The following MAP2K2 variants were observed in gnomAD, a reference collection of about 807,000 sequenced individuals.
MAP2K2 encodes dual specificity mitogen-activated protein kinase kinase 2.
A neutral mutation model predicts 43.7 loss-of-function variants in MAP2K2; 24 were observed. That is an observed-to-expected ratio of 0.55 (90% CI 0.40 to 0.77). MAP2K2 has a LOEUF of 0.77. Among genes scored for constraint, MAP2K2 ranks in the 30% least tolerant of loss-of-function variants. The pLI is 0.00. For synonymous variants in MAP2K2, 244 were observed against 239.7 expected, an observed-to-expected ratio of 1.02 and a Z score of -0.17; for missense variants, 470 against 566.8, an observed-to-expected ratio of 0.83 and a Z score of 1.73.
chr19:4,113,248 T>C (rs1360292784), intron 2 of MAP2K2, among the ~76,000 whole-genome samples: 1 of 152,162 alleles, frequency 6.6e-6, no homozygotes, highest in East Asian at 1.9e-4. Context: ...AGAGGCCTTC[T>C]GGAAGGCTGT....
chr19:4,099,975 C>T (rs1292405561), intron 6 of MAP2K2: 1 of 167,098 alleles, frequency 6.0e-6, no homozygotes, highest in East Asian at 1.2e-4. Flanking sequence ...GGCTGCCGGG[C>T]ACGGTGGCTC....
Position 4,110,513 on chromosome 19 carries a change from T to A in MAP2K2, c.446A>T (p.His149Leu), listed in dbSNP as rs781533418. 1 of 1,613,610 alleles carries A rather than the reference T, an allele frequency of 6.2e-7. No individual in the cohort carries two copies. The highest frequency in any genetic ancestry group is 8.5e-7 in the Non-Finnish European group (1 of 1,180,028). The change falls in exon 3 of 11, where the codon CAC becomes CTC. Residue 149 changes from histidine to leucine, a missense_variant. By Grantham distance (99) the His-to-Leu change is moderately conservative. Around this residue, in one of 3 missense-constraint regions of MAP2K2, gnomAD observed 200 missense variants for 297.9 expected, o/e 0.67. Coordinates refer to ENST00000262948, the MANE Select transcript of MAP2K2 (RefSeq NM_030662.4). ...CCCTGCCCCGGACGCACTCACCATGTGTTCCATGCAAATGCTGATCTCCCC... is the reference window on the plus strand; with the variant it reads ...CCCTGCCCCGGACGCACTCACCATGAGTTCCATGCAAATGCTGATCTCCCC... The part of the protein sequence containing the change: ...SDGEISICME[H>L]MDGGSLDQVL...
At chr19:4,113,705 AC>A in intron 2 of MAP2K2, among the ~76,000 whole-genome samples, 1 of 152,152 alleles carries the variant, frequency 6.6e-6, no homozygotes, top group East Asian at 1.9e-4. Flanking sequence ...TAAATGCCAG[AC>A]CTGGCTCGGA....
chr19:4,091,676 T>C (rs1012897542), intron 10 of MAP2K2, among the ~76,000 whole-genome samples: 4 of 151,494 alleles, frequency 2.6e-5, no homozygotes, highest in African/African-American at 9.7e-5. Flanking sequence ...TTTGAGACAG[T>C]CTTGCTCTGT....
chr19:4,122,427 A>G (rs1158043148), intron 1 of MAP2K2, among the ~76,000 whole-genome samples: 41 of 8,156 alleles, frequency 5.0e-3, no homozygotes, highest in South Asian at 0.049. Context: ...CCCCCATAGG[A>G]ACCCTCCCAC....
chr19:4,098,579 G>A (rs1157940558), intron 7 of MAP2K2, among the ~76,000 whole-genome samples: 5 of 152,176 alleles, frequency 3.3e-5, no homozygotes, highest in East Asian at 1.9e-4. Flanking sequence ...TCCCTCAGGC[G>A]GTGGAAGTGT....
In MAP2K2 at chr19:4,122,086, T is replaced by C. The variant is rs533870540; in HGVS notation, c.92+1698A>G. ...GGGACTCATTCCCCAAAAGGACCGC[T>C]CCCCGCCCCCCCAAGACCTCTCAGC... On this transcript the variant is annotated intron_variant, in intron 1 of 10. Coordinates refer to ENST00000262948, the MANE Select transcript of MAP2K2 (RefSeq NM_030662.4). 2.4e-3 allele frequency among the ~76,000 whole-genome samples: 266 copies of C among 111,724 alleles called. 2 individuals carry two copies. The highest frequency in any genetic ancestry group is 3.7e-3 in the Non-Finnish European group (199 of 54,218). The allele number at this position is 111,724 out of a possible 152,430, so 73.3% of individuals were successfully genotyped here. A position where few individuals can be genotyped will look rare whatever the true frequency, so the allele number is the denominator to read the frequency against.
chr19:4,100,872 C>G (rs2040996840), intron 6 of MAP2K2, 147 bp downstream of exon 6: 5 of 916,368 alleles, frequency 5.5e-6, no homozygotes, highest in Non-Finnish European at 8.3e-6. Flanking sequence ...GCGGGGAGAG[C>G]TGCGCAGGAG....
At position 4,107,807 on chromosome 19, in the gene MAP2K2, C is replaced by T. The variant is rs112481180; in HGVS notation, c.450+2702G>A. 3.5e-3 allele frequency among the ~76,000 whole-genome samples: 531 copies of T among 152,274 alleles called. 2 individuals are homozygous for T. The highest frequency in any genetic ancestry group is 0.012 in the African/African-American group (508 of 41,538). On this transcript the variant is annotated intron_variant, in intron 3 of 10. Coordinates refer to ENST00000262948, the MANE Select transcript of MAP2K2 (RefSeq NM_030662.4). ...AATACAGGGAAATGGCTGCAGCAGC[C>T]AGGACATGGATGCAACACCTGTGCG...
chr19:4,116,603 A>G (rs758567852), intron 2 of MAP2K2, among the ~76,000 whole-genome samples: 1 of 152,176 alleles, frequency 6.6e-6, no homozygotes, highest in Non-Finnish European at 1.5e-5. Flanking sequence ...GTCACTGTGC[A>G]AACACTGGAA....
chr19:4,095,324 G>A (rs986864561), intron 9 of MAP2K2, 64 bp downstream of exon 9: 56 of 1,475,630 alleles, frequency 3.8e-5, no homozygotes, highest in Non-Finnish European at 4.9e-5. Flanking sequence ...GCCCCACCCA[G>A]GACCCGGAAG....
chr19:4,099,072 C>T (rs2040961253), intron 7 of MAP2K2, 129 bp downstream of exon 7: 5 of 781,564 alleles, frequency 6.4e-6, no homozygotes, highest in Admixed American at 2.3e-5. Flanking sequence ...CTGCTGACCA[C>T]AGTCGGCACC....
intron 1 of MAP2K2, among the ~76,000 whole-genome samples, chr19:4,120,334 G>T (rs2041276685): frequency 6.6e-6 from 1 of 152,008 alleles, no homozygotes; most frequent in African/African-American, 2.4e-5. Context: ...TATTTTTTTT[G>T]AGACAGTCTT....
intron 3 of MAP2K2, among the ~76,000 whole-genome samples, chr19:4,106,758 A>G (rs1338169524): frequency 6.6e-6 from 1 of 152,218 alleles, no homozygotes; most frequent in Non-Finnish European, 1.5e-5. Flanking sequence ...ATAGTGTTGT[A>G]CTGTGGGGAT....
At position 4,115,139 on chromosome 19, in the gene MAP2K2, C is replaced by T. The variant is rs535759616; in HGVS notation, c.303+2280G>A. 6.6e-6 allele frequency among the ~76,000 whole-genome samples: 1 copy of T among 152,056 alleles called. No individual in the cohort carries two copies. The highest frequency in any genetic ancestry group is 2.4e-5 in the African/African-American group (1 of 41,388). On this transcript the variant is annotated intron_variant, in intron 2 of 10. Coordinates refer to ENST00000262948, the MANE Select transcript of MAP2K2 (RefSeq NM_030662.4). The surrounding 1 kb of genome is among the most constrained non-coding windows in gnomAD (Gnocchi z 4.1). Reference sequence around the variant, plus strand: ...CAAAAATAGTAACGAGAGTCCCGTGCGCCCTTTCCCCGCCTCCCCCAAGAT... The same window carrying T: ...CAAAAATAGTAACGAGAGTCCCGTGTGCCCTTTCCCCGCCTCCCCCAAGAT...
chr19:4,107,836 C>T (rs539384025), intron 3 of MAP2K2, among the ~76,000 whole-genome samples: 30 of 152,320 alleles, frequency 2.0e-4, no homozygotes, highest in African/African-American at 1.9e-4. Flanking sequence ...CTGTGCGTGC[C>T]GGGTGCCATC....
intron 9 of MAP2K2, chr19:4,095,072 C>T (rs1201744778): frequency 7.9e-6 from 3 of 379,362 alleles, no homozygotes; most frequent in South Asian, 7.3e-5. Flanking sequence ...GGGGAGCCCA[C>T]AGTCAGCACA....
chr19:4,108,772 A>AT, intron 3 of MAP2K2, among the ~76,000 whole-genome samples: 1 of 152,152 alleles, frequency 6.6e-6, no homozygotes, highest in East Asian at 1.9e-4. Flanking sequence ...CAGCCACACA[A>AT]AACGAGGATG....
chr19:4,098,612 C>T (rs932547726), intron 7 of MAP2K2, among the ~76,000 whole-genome samples: 23 of 152,200 alleles, frequency 1.5e-4, no homozygotes, highest in Non-Finnish European at 3.4e-4. Flanking sequence ...CTCTGACTGG[C>T]GTCAGGGAGC....
Sources: gnomAD v4.1 joint callset for allele counts (sites outside exome capture counted in the v4.1 genomes callset) on GRCh38, gnomAD v4.1.1 for gene constraint, gnomAD v4.1.1 regional missense constraint, Gnocchi (gnomAD v3.1) non-coding constraint, MANE v1.5 for transcripts, NCBI Gene and HGNC (gene_info 2026-07-23, HGNC 2026-07-21) for gene names.